TTC6: variants seen among roughly 807,000 people sequenced by gnomAD.
TTC6 encodes tetratricopeptide repeat domain 6, also known as tetratricopeptide repeat protein 6.
A neutral mutation model predicts 210.4 loss-of-function variants in TTC6; 172 were observed. That is an observed-to-expected ratio of 0.82 (90% CI 0.72 to 0.93). The LOEUF is 0.93. Ranked by LOEUF, TTC6 falls within the 40% of genes least tolerant of loss-of-function variation. TTC6 has a pLI of 0.00. For missense variants in TTC6, 2,414 were observed against 2,318.1 expected (o/e 1.04, Z -0.85); for synonymous variants, 804 against 819.6 (o/e 0.98, Z 0.32).
chr14:37,639,251 A>G (rs927011049), intron 1 of TTC6, among the ~76,000 whole-genome samples: 1 of 152,336 alleles, frequency 6.6e-6, no homozygotes, highest in East Asian at 1.9e-4. Context: ...CAAATAACCT[A>G]CCAGGATCTG....
chr14:37,767,309 A>C (rs960533820), intron 14 of TTC6, among the ~76,000 whole-genome samples: 8 of 152,194 alleles, frequency 5.3e-5, no homozygotes, highest in Non-Finnish European at 7.3e-5. Context: ...CTTTGGGTAT[A>C]TACCCAGTAA....
chr14:37,734,488 G>A (rs942058037), intron 7 of TTC6, among the ~76,000 whole-genome samples: 1 of 152,076 alleles, frequency 6.6e-6, no homozygotes, highest in South Asian at 2.1e-4. Context: ...CTCAGATTTT[G>A]GCTCGTCTTT....
intron 1 of TTC6, among the ~76,000 whole-genome samples, chr14:37,638,066 T>C (rs1256649536): frequency 6.6e-6 from 1 of 152,132 alleles, no homozygotes; most frequent in Non-Finnish European, 1.5e-5. Flanking sequence ...TAATAACCCC[T>C]AACTGTCAAC....
At chr14:37,727,707 T>C (rs1459742973) in intron 7 of TTC6, among the ~76,000 whole-genome samples, 1 of 151,340 alleles carries the variant, frequency 6.6e-6, no homozygotes, top group Non-Finnish European at 1.5e-5. Flanking sequence ...TTCAAACCTT[T>C]TCATTTGCAG....
chr14:37,819,279 T>C (rs1276438417), intron 26 of TTC6, among the ~76,000 whole-genome samples: 1 of 152,188 alleles, frequency 6.6e-6, no homozygotes, highest in Non-Finnish European at 1.5e-5. Flanking sequence ...TTTGCTTTTC[T>C]AGGTGAGCTA....
chr14:37,702,540 G>A (rs955505638), intron 5 of TTC6, among the ~76,000 whole-genome samples: 2 of 152,024 alleles, frequency 1.3e-5, no homozygotes, highest in Non-Finnish European at 2.9e-5. Flanking sequence ...ACAGTCTCTC[G>A]CCTTTCAGAA....
At position 37,799,507 on chromosome 14, in the gene TTC6, G is replaced by A. The variant is rs115875705; in HGVS notation, c.4029+2560G>A. Among the ~76,000 whole-genome samples, 295 of 152,274 alleles carry A rather than the reference G, an allele frequency of 1.9e-3. 2 individuals are homozygous for A. The highest frequency in any genetic ancestry group is 6.9e-3 in the African/African-American group (287 of 41,550). ...GTTATGCCCTTGTGTGACCTTGAGT[G>A]TGAGTGGAACCTATGTCTCACTTCT... On this transcript the variant is annotated intron_variant, in intron 20 of 30. Transcript: ENST00000553443.
intron 26 of TTC6, among the ~76,000 whole-genome samples, chr14:37,822,028 C>T (rs910808287): frequency 6.6e-6 from 1 of 151,982 alleles, no homozygotes; most frequent in Non-Finnish European, 1.5e-5. Context: ...ATCCACCCAC[C>T]TCAGCCTCCC....
intron 1 of TTC6, among the ~76,000 whole-genome samples, chr14:37,596,322 G>A (rs909447677): frequency 1.3e-5 from 2 of 152,268 alleles, no homozygotes; most frequent in African/African-American, 2.4e-5. Context: ...CTGGGCGCGG[G>A]AACGCATCTG....
At chr14:37,662,309 AT>A (rs2095739103) in intron 1 of TTC6, among the ~76,000 whole-genome samples, 1 of 152,050 alleles carries the variant, frequency 6.6e-6, no homozygotes, top group South Asian at 2.1e-4. Flanking sequence ...GGCTTTTATT[AT>A]TTTGAGATAT....
At chr14:37,671,073 T>C (rs1176874706) in intron 1 of TTC6, among the ~76,000 whole-genome samples, 1 of 152,150 alleles carries the variant, frequency 6.6e-6, no homozygotes, top group Non-Finnish European at 1.5e-5. Context: ...AACTTATCTA[T>C]GTAATTCTAG....
chr14:37,826,355 C>G lies in TTC6; in HGVS notation c.5127+8C>G. 1 of 1,590,178 alleles carries G rather than the reference C, an allele frequency of 6.3e-7. No homozygotes were observed. The highest frequency in any genetic ancestry group is 8.5e-7 in the Non-Finnish European group (1 of 1,170,840). On this transcript the variant is annotated splice_region_variant and intron_variant, in intron 28 of 30. Coordinates refer to ENST00000553443, the Ensembl canonical transcript of TTC6. ...ATTAATGCTGCCATGAAGGTAAAAA[C>G]CATCTTAGATTATATTATTATTAGC...
intron 1 of TTC6, among the ~76,000 whole-genome samples, chr14:37,602,944 T>C (rs556334429): frequency 7.2e-5 from 11 of 152,236 alleles, no homozygotes; most frequent in African/African-American, 2.6e-4. Context: ...TGGTCTCCAC[T>C]GACCTCCTCA....
chr14:37,818,894 G>A (rs1298542577), intron 26 of TTC6, among the ~76,000 whole-genome samples: 1 of 152,132 alleles, frequency 6.6e-6, no homozygotes, highest in Non-Finnish European at 1.5e-5. Context: ...GACCAAAAGT[G>A]TCCGAGCTTG....
chr14:37,755,099 AC>A (rs1354636483), intron 14 of TTC6, among the ~76,000 whole-genome samples: 2 of 152,126 alleles, frequency 1.3e-5, no homozygotes. Context: ...CAGCATTCTA[AC>A]TGGCATGAGA....
At chr14:37,606,639 C>A in intron 1 of TTC6, 24 bp from the exon 2 acceptor site, 1 of 767,754 alleles carries the variant, frequency 1.3e-6, no homozygotes, top group Non-Finnish European at 1.6e-6. Flanking sequence ...CCCTTTAATC[C>A]CACCTTCAAA....
chr14:37,811,452 A>G (rs111798324), intron 24 of TTC6, among the ~76,000 whole-genome samples: 1 of 152,218 alleles, frequency 6.6e-6, no homozygotes, highest in Non-Finnish European at 1.5e-5. Flanking sequence ...GAGCAAATAT[A>G]AAATGCTCTT....
chr14:37,756,812 T>G (rs1595206596), intron 14 of TTC6, among the ~76,000 whole-genome samples: 6 of 152,296 alleles, frequency 3.9e-5, no homozygotes, highest in Admixed American at 3.3e-4. Context: ...AATTTTCTTT[T>G]TTTTTGTTGT....
intron 14 of TTC6, among the ~76,000 whole-genome samples, chr14:37,753,672 G>A (rs750646337): frequency 2.0e-5 from 3 of 151,760 alleles, no homozygotes; most frequent in Non-Finnish European, 2.9e-5. Context: ...GGGCTCATGC[G>A]ATCCTCCCAC....
Sources: allele counts gnomAD v4.1 joint callset (sites outside exome capture counted in the v4.1 genomes callset), GRCh38; gene constraint gnomAD v4.1.1; transcripts MANE v1.5; gene names NCBI Gene and HGNC (gene_info 2026-07-23, HGNC 2026-07-21).